DLG1: variants seen among roughly 807,000 people sequenced by gnomAD.
DLG1 encodes the protein disks large homolog 1.
DLG1 carries 42 observed loss-of-function variants against 123.4 expected under a neutral mutation model. The observed-to-expected ratio is 0.34, with a 90% CI of 0.27 to 0.44. The LOEUF (loss-of-function observed/expected upper bound fraction) is 0.44. Among genes scored for constraint, DLG1 ranks in the 20% least tolerant of loss-of-function variants. The pLI, the probability that DLG1 is intolerant of heterozygous loss-of-function variation, is 1.00. For missense variants in DLG1, 942 were observed against 1,082.6 expected (o/e 0.87, Z 1.82); for synonymous variants, 317 against 356.2 (o/e 0.89, Z 1.24).
chr3:197,130,222 T>C (rs1781803354), intron 11 of DLG1, among the ~76,000 whole-genome samples: 2 of 152,192 alleles, frequency 1.3e-5, no homozygotes, highest in South Asian at 4.1e-4. Context: ...GTGGAAAACT[T>C]AGAACAAAAC....
chr3:197,281,609 G>A (rs1048150471), intron 4 of DLG1, among the ~76,000 whole-genome samples: 1 of 152,170 alleles, frequency 6.6e-6, no homozygotes, highest in Non-Finnish European at 1.5e-5. Flanking sequence ...TGGAAAAAAA[G>A]TGTAAAGAAA....
intron 5 of DLG1, among the ~76,000 whole-genome samples, chr3:197,184,600 T>C (rs1224855661): frequency 6.6e-6 from 1 of 152,198 alleles, no homozygotes. Context: ...TCAAGGTAGA[T>C]TAATTACTAA....
intron 4 of DLG1, among the ~76,000 whole-genome samples, chr3:197,237,036 A>G (rs910163983): frequency 2.6e-5 from 4 of 152,166 alleles, no homozygotes; most frequent in Admixed American, 1.3e-4. Context: ...AGCGTCTGGG[A>G]GCTCCTGCTC....
chr3:197,080,991 T>G (rs1427030250), intron 17 of DLG1, 60 bp downstream of exon 17: 2 of 1,481,868 alleles, frequency 1.3e-6, no homozygotes, highest in Non-Finnish European at 1.9e-6. Flanking sequence ...AAAATCCTTT[T>G]CATTTTAACA....
chr3:197,065,333 C>T lies in DLG1; in HGVS notation c.2316G>A (p.Gln772=), dbSNP rs1738797638. 4 of 1,612,914 alleles carry T rather than the reference C, an allele frequency of 2.5e-6. No homozygotes were observed. The highest frequency in any genetic ancestry group is 8.5e-7 in the Non-Finnish European group (1 of 1,179,706). ...IQEHKFIEAG[Q]YNNHLYGTSV... ...TTGTTCCATATAGATGATTGTTATACTGGCCAGCTTCAATGAATTTATGTT... is the reference window on the plus strand; with the variant it reads ...TTGTTCCATATAGATGATTGTTATATTGGCCAGCTTCAATGAATTTATGTT... The change falls in exon 22 of 25, where the codon CAG becomes CAA. Residue 772 remains glutamine (Q), a synonymous_variant. Coordinates refer to ENST00000667157, the MANE Select transcript of DLG1 (RefSeq NM_001366207.1).
chr3:197,069,375 CATTTTCTTTTTCTTT>C, intron 18 of DLG1, 115 bp from the exon 19 acceptor site: 1 of 592,840 alleles, frequency 1.7e-6, no homozygotes, highest in Non-Finnish European at 2.7e-6. Context: ...TTTTTAAAAG[CATTTTCTTTTTCTTT>C]GAAACGTTTA....
chr3:197,251,573 T>C (rs1032627914), intron 4 of DLG1, among the ~76,000 whole-genome samples: 2 of 152,158 alleles, frequency 1.3e-5, no homozygotes, highest in Non-Finnish European at 1.5e-5. Flanking sequence ...CTGGGAACAC[T>C]GGATATCCAT....
At chr3:197,118,051 A>G (rs978797057) in intron 12 of DLG1, among the ~76,000 whole-genome samples, 2 of 152,100 alleles carry the variant, frequency 1.3e-5, no homozygotes, top group Non-Finnish European at 2.9e-5. Context: ...ATAATGTTGG[A>G]AAGATTTTAT....
At chr3:197,068,213 A>G (rs989571341) in intron 19 of DLG1, among the ~76,000 whole-genome samples, 1 of 152,204 alleles carries the variant, frequency 6.6e-6, no homozygotes, top group Non-Finnish European at 1.5e-5. Flanking sequence ...CTTACATACT[A>G]GCAAACACAT....
At chr3:197,129,740 C>T (rs1781546634) in intron 11 of DLG1, among the ~76,000 whole-genome samples, 1 of 152,050 alleles carries the variant, frequency 6.6e-6, no homozygotes, top group South Asian at 2.1e-4. Context: ...TATTAACTGG[C>T]CTAATATCAA....
intron 4 of DLG1, among the ~76,000 whole-genome samples, chr3:197,232,746 T>A (rs1743898942): frequency 6.7e-6 from 1 of 149,624 alleles, no homozygotes; most frequent in Admixed American, 6.6e-5. Context: ...ACCATCTATC[T>A]GGCAGAAAAA....
intron 4 of DLG1, among the ~76,000 whole-genome samples, chr3:197,221,616 T>C (rs1487350534): frequency 6.6e-6 from 1 of 152,082 alleles, no homozygotes; most frequent in Non-Finnish European, 1.5e-5. Context: ...TTTTACCAAC[T>C]AGATGTGTGA....
At chr3:197,110,151 C>T (rs1364563099) in intron 13 of DLG1, among the ~76,000 whole-genome samples, 1 of 152,118 alleles carries the variant, frequency 6.6e-6, no homozygotes, top group East Asian at 1.9e-4. Context: ...CCATAGGTCT[C>T]TGAAGCTGTT....
chr3:197,123,703 TG>T (rs2068260611), intron 11 of DLG1, among the ~76,000 whole-genome samples: 1 of 152,162 alleles, frequency 6.6e-6, no homozygotes, highest in Non-Finnish European at 1.5e-5. Flanking sequence ...ACTAAACATA[TG>T]CCTACCCTGT....
At chr3:197,279,718 A>G (rs1004057206) in intron 4 of DLG1, among the ~76,000 whole-genome samples, 1 of 152,190 alleles carries the variant, frequency 6.6e-6, no homozygotes, top group African/African-American at 2.4e-5. Flanking sequence ...TCATTTTATA[A>G]AAATTGAAGT....
intron 4 of DLG1, among the ~76,000 whole-genome samples, chr3:197,250,991 A>AG (rs1754154436): frequency 6.6e-6 from 1 of 151,762 alleles, no homozygotes; most frequent in Non-Finnish European, 1.5e-5. Flanking sequence ...AAAAAAAAAA[A>AG]AAAAAAAAAG....
intron 4 of DLG1, among the ~76,000 whole-genome samples, chr3:197,234,100 ACACAG>A (rs1744707061): frequency 6.6e-6 from 1 of 152,238 alleles, no homozygotes; most frequent in African/African-American, 2.4e-5. Context: ...GCCAATCAAC[ACACAG>A]TCTTTAAGGA....
intron 11 of DLG1, among the ~76,000 whole-genome samples, chr3:197,122,531 A>G (rs759960740): frequency 3.9e-4 from 59 of 152,268 alleles, no homozygotes; most frequent in Non-Finnish European, 4.9e-4. Flanking sequence ...CACAGATGAC[A>G]TGGTTATATA....
At chr3:197,058,123 C>A (rs574656960) in intron 23 of DLG1, among the ~76,000 whole-genome samples, 2 of 152,044 alleles carry the variant, frequency 1.3e-5, no homozygotes, top group Non-Finnish European at 2.9e-5. Context: ...AGACCACAGG[C>A]GCACACCACC....
Sources: gnomAD v4.1 joint callset for allele counts (sites outside exome capture counted in the v4.1 genomes callset) on GRCh38, gnomAD v4.1.1 for gene constraint, MANE v1.5 for transcripts, NCBI Gene and HGNC (gene_info 2026-07-23, HGNC 2026-07-21) for gene names.